Variants in NFIA observed in about 807,000 individuals in gnomAD.
The protein encoded by NFIA is nuclear factor I A, also known as nuclear factor 1 A-type.
NFIA carries 8 observed loss-of-function variants against 62.8 expected under a neutral mutation model. The observed-to-expected ratio is 0.13, with a 90% CI of 0.07 to 0.23. The LOEUF (loss-of-function observed/expected upper bound fraction) is 0.23, where lower values mean the gene tolerates loss of function less well. Ranked by LOEUF, NFIA falls within the 10% of genes least tolerant of loss-of-function variation. The probability of loss-of-function intolerance (pLI) is 1.00; values close to 1 mark genes in which losing one functional copy is unlikely to be tolerated. For missense variants in NFIA, 410 were observed against 642.1 expected (o/e 0.64, Z 3.91); for synonymous variants, 235 against 238.1 (o/e 0.99, Z 0.12).
chr1:61,082,455 T>TCGCGGGCACCC (rs1553148418), upstream of NFIA: 1 of 1,047,386 alleles, frequency 9.5e-7, no homozygotes, highest in Non-Finnish European at 1.1e-6. Flanking sequence ...CGCGGGCAGC[T>TCGCGGGCACCC]CGCGGGCACC....
At chr1:61,441,837 AT>A (rs977495502) in intron 10 of NFIA, among the ~76,000 whole-genome samples, 31 of 151,774 alleles carry the variant, frequency 2.0e-4, no homozygotes, top group African/African-American at 7.3e-4. Flanking sequence ...CTTCCCAAAC[AT>A]TTTTTTCCTG....
chr1:61,341,757 C>T (rs1056845475), intron 4 of NFIA, among the ~76,000 whole-genome samples: 1 of 152,188 alleles, frequency 6.6e-6, no homozygotes, highest in African/African-American at 2.4e-5. Flanking sequence ...GGATTACAGG[C>T]GTGAGCCAGT....
intron 5 of NFIA, among the ~76,000 whole-genome samples, chr1:61,357,848 T>C (rs1663046533): frequency 6.6e-6 from 1 of 152,108 alleles, no homozygotes; most frequent in African/African-American, 2.4e-5. Context: ...CCAGTAGATA[T>C]GAAATCTACT....
At chr1:61,454,943 G>A (rs1248240906) in intron 10 of NFIA, among the ~76,000 whole-genome samples, 2 of 152,072 alleles carry the variant, frequency 1.3e-5, no homozygotes, top group East Asian at 1.9e-4. Flanking sequence ...CCAGGCACTG[G>A]GCTAGGCACT....
chr1:61,358,591 G>A (rs1447180143), intron 5 of NFIA, among the ~76,000 whole-genome samples: 1 of 151,834 alleles, frequency 6.6e-6, no homozygotes, highest in Non-Finnish European at 1.5e-5. Flanking sequence ...TTACCATGTT[G>A]GCCAGGATGG....
intron 7 of NFIA, among the ~76,000 whole-genome samples, chr1:61,401,333 TC>T (rs1219894491): frequency 6.6e-6 from 1 of 152,236 alleles, no homozygotes; most frequent in Non-Finnish European, 1.5e-5. Context: ...TGTGTTAAAC[TC>T]TGTTCCACAA....
chr1:61,141,782 G>A (rs1407657653), intron 2 of NFIA, among the ~76,000 whole-genome samples: 2 of 152,176 alleles, frequency 1.3e-5, no homozygotes, highest in African/African-American at 4.8e-5. Flanking sequence ...AGGAGATAGT[G>A]GCTAACTGAT....
chr1:61,094,126 T>C (rs1270376887), intron 2 of NFIA, among the ~76,000 whole-genome samples: 1 of 152,238 alleles, frequency 6.6e-6, no homozygotes, highest in Non-Finnish European at 1.5e-5. Flanking sequence ...GTGAATGTGC[T>C]AAACACTGAT....
At chr1:61,402,857 G>A (rs1665639103) in intron 7 of NFIA, among the ~76,000 whole-genome samples, 1 of 152,168 alleles carries the variant, frequency 6.6e-6, no homozygotes, top group African/African-American at 2.4e-5. Flanking sequence ...CCCATAGCAT[G>A]AGCCATTTCA....
At chr1:61,378,314 TA>T (rs1418376917) in intron 6 of NFIA, among the ~76,000 whole-genome samples, 1 of 152,198 alleles carries the variant, frequency 6.6e-6, no homozygotes, top group Non-Finnish European at 1.5e-5. Flanking sequence ...TCAGGAGAAG[TA>T]GAAATTTTCA....
intron 3 of NFIA, among the ~76,000 whole-genome samples, chr1:61,278,797 C>T (rs995685782): frequency 1.3e-5 from 2 of 151,708 alleles, no homozygotes; most frequent in East Asian, 1.9e-4. Context: ...TCAGGGGAGG[C>T]GGGGCGGCGG....
intron 8 of NFIA, among the ~76,000 whole-genome samples, 157 bp from the exon 9 acceptor site, chr1:61,406,405 T>G (rs1557762437): frequency 6.6e-6 from 1 of 152,182 alleles, no homozygotes; most frequent in South Asian, 2.1e-4. Flanking sequence ...CAATGGACAT[T>G]TCCGTATGGG....
At chr1:61,301,442 T>G (rs1659490970) in intron 3 of NFIA, among the ~76,000 whole-genome samples, 1 of 152,168 alleles carries the variant, frequency 6.6e-6, no homozygotes, top group South Asian at 2.1e-4. Flanking sequence ...GCCAAACTTT[T>G]GATTAAAGCT....
chr1:61,365,932 A>G (rs866312588), intron 6 of NFIA, among the ~76,000 whole-genome samples: 2 of 152,220 alleles, frequency 1.3e-5, no homozygotes, highest in South Asian at 4.1e-4. Context: ...GTTAAGTGTC[A>G]CAGGAGTAAA....
Position 61,146,887 on chromosome 1 carries a change from T to C in NFIA, c.559+58207T>C, listed in dbSNP as rs565366363. On this transcript the variant is annotated intron_variant, in intron 2 of 10. Coordinates refer to ENST00000403491, the MANE Select transcript of NFIA (RefSeq NM_001134673.4). Reference sequence around the variant, plus strand: ...TAACTTAATTTCACTTAAAAAGATATTTACCAGAAGCTGAAAGTAGGGTGT... The same window carrying C: ...TAACTTAATTTCACTTAAAAAGATACTTACCAGAAGCTGAAAGTAGGGTGT... Among the ~76,000 whole-genome samples the C allele has an allele frequency of 3.3e-5, 5 of 152,272 alleles. No individual in the cohort carries two copies. The South Asian group carries it at 1.0e-3, about 32-fold the overall frequency.
rs1313425804 is a variant in NFIA at position 61,259,998 on chromosome 1, G to A, written c.560-17522G>A. On this transcript the variant is annotated intron_variant, in intron 2 of 10. Coordinates refer to ENST00000403491, the MANE Select transcript of NFIA (RefSeq NM_001134673.4). ...TTTTGAGATTGCAATAGCTCATCTT[G>A]TGTTGCAGCTTTGTTTTTAAATTTA... Among the ~76,000 whole-genome samples the A allele has an allele frequency of 2.6e-5, 4 of 152,168 alleles. No homozygotes were observed. In the East Asian group the frequency reaches 7.7e-4, roughly 29 times the overall value.
chr1:61,379,355 TG>T (rs1353234427), intron 6 of NFIA, among the ~76,000 whole-genome samples: 1 of 151,732 alleles, frequency 6.6e-6, no homozygotes, highest in Non-Finnish European at 1.5e-5. Context: ...TCTGAGTAGC[TG>T]GGACTGTAGG....
chr1:61,192,477 A>G (rs1651703601), intron 2 of NFIA, among the ~76,000 whole-genome samples: 1 of 152,106 alleles, frequency 6.6e-6, no homozygotes, highest in Non-Finnish European at 1.5e-5. Context: ...CATGGTGGGC[A>G]GATGACAAGT....
intron 9 of NFIA, among the ~76,000 whole-genome samples, chr1:61,423,303 T>C (rs1002441875): frequency 3.3e-5 from 5 of 152,090 alleles, no homozygotes; most frequent in African/African-American, 9.7e-5. Context: ...ATGATTTGAT[T>C]TCTAATAGTC....
Sources: gnomAD v4.1 joint callset for allele counts (sites outside exome capture counted in the v4.1 genomes callset) on GRCh38, gnomAD v4.1.1 for gene constraint, MANE v1.5 for transcripts, NCBI Gene and HGNC (gene_info 2026-07-23, HGNC 2026-07-21) for gene names.